Variants in CDYL2 observed in about 807,000 individuals in gnomAD.
The protein encoded by CDYL2 is chromodomain Y-like protein 2.
A neutral mutation model predicts 49.4 loss-of-function variants in CDYL2; 23 were observed. That is an observed-to-expected ratio of 0.47 (90% confidence interval 0.34 to 0.66). CDYL2 has a LOEUF of 0.66. Among genes scored for constraint, CDYL2 ranks in the 30% least tolerant of loss-of-function variants. The pLI is 0.01. For synonymous variants in CDYL2, 360 were observed against 268.8 expected, an observed-to-expected ratio of 1.34 and a Z score of -3.32; for missense variants, 678 against 656.4, an observed-to-expected ratio of 1.03 and a Z score of -0.36.
intron 1 of CDYL2, among the ~76,000 whole-genome samples, chr16:80,802,976 C>CAGGGAAGTG (rs1907971497): frequency 2.6e-5 from 4 of 152,184 alleles, no homozygotes; most frequent in Admixed American, 2.6e-4. Context: ...AATTTATGTT[C>CAGGGAAGTG]CGGGAAGTGC....
intron 1 of CDYL2, among the ~76,000 whole-genome samples, chr16:80,748,161 T>TAATAAG (rs1202387396): frequency 7.4e-6 from 1 of 135,158 alleles, no homozygotes; most frequent in African/African-American, 3.1e-5. Context: ...ATAATAATAA[T>TAATAAG]AATAATATAA....
chr16:80,662,365 C>G (rs778249334), intron 2 of CDYL2, among the ~76,000 whole-genome samples: 5 of 152,198 alleles, frequency 3.3e-5, no homozygotes, highest in South Asian at 2.1e-4. Flanking sequence ...GGAGAAAGCA[C>G]CCTTCCTCCC....
intron 2 of CDYL2, among the ~76,000 whole-genome samples, chr16:80,645,788 T>C (rs1170678462): frequency 2.6e-5 from 4 of 152,010 alleles, no homozygotes; most frequent in African/African-American, 9.7e-5. Context: ...ATATACACCA[T>C]GGACTACTAT....
At chr16:80,651,954 G>C in intron 2 of CDYL2, among the ~76,000 whole-genome samples, 1 of 152,220 alleles carries the variant, frequency 6.6e-6, no homozygotes, top group East Asian at 1.9e-4. Context: ...GAGAAGGCTA[G>C]AATGTGACCA....
At chr16:80,756,646 T>G (rs1462425709) in intron 1 of CDYL2, among the ~76,000 whole-genome samples, 1 of 152,132 alleles carries the variant, frequency 6.6e-6, no homozygotes, top group Non-Finnish European at 1.5e-5. Context: ...ACTTTTCCAC[T>G]CATTTTATAA....
In CDYL2 at chr16:80,633,770, G is replaced by A. The variant is rs535825765; in HGVS notation, c.617-534C>T. Among the ~76,000 whole-genome samples, 12 of 152,298 alleles carry A rather than the reference G, an allele frequency of 7.9e-5. No individual in the cohort carries two copies. The South Asian group carries it at 1.2e-3, about 16-fold the overall frequency. On this transcript the variant is annotated intron_variant, in intron 2 of 6. Transcript: ENST00000570137. ...TTGAGATGAGAGGGGTGAATACCAA[G>A]CAGGCAGTATCCTTAGGTCTCTCTC...
chr16:80,721,781 C>A lies in CDYL2; in HGVS notation c.25-36652G>T, dbSNP rs566080509. 2.6e-5 allele frequency among the ~76,000 whole-genome samples: 4 copies of A among 152,344 alleles called. No individual in the cohort carries two copies. In the East Asian group the frequency reaches 7.7e-4, roughly 29 times the overall value. On this transcript the variant is annotated intron_variant, in intron 1 of 6. Transcript: ENST00000570137. ...GTGACCACAGGGAAGACAGAAGATA[C>A]AGCTGCTCTGTCCCCTCCCCGGTGA...
At chr16:80,661,868 C>T (rs189836161) in intron 2 of CDYL2, among the ~76,000 whole-genome samples, 269 of 152,302 alleles carry the variant, frequency 1.8e-3, no homozygotes, top group African/African-American at 6.2e-3. Flanking sequence ...GATGTATTCA[C>T]CTGTGTGTCT....
At chr16:80,745,024 G>T (rs950715390) in intron 1 of CDYL2, among the ~76,000 whole-genome samples, 1 of 152,202 alleles carries the variant, frequency 6.6e-6, no homozygotes, top group African/African-American at 2.4e-5. Context: ...GTGAGTGACA[G>T]ATACAGGATG....
chr16:80,657,784 G>C (rs1377119), intron 2 of CDYL2, among the ~76,000 whole-genome samples: 59,938 of 151,744 alleles, frequency 0.39, 12,272 homozygotes, highest in East Asian at 0.6. Context: ...ACGAAACCCA[G>C]CAATCCCACT....
chr16:80,760,519 T>C (rs1349058815), intron 1 of CDYL2, among the ~76,000 whole-genome samples: 1 of 152,138 alleles, frequency 6.6e-6, no homozygotes, highest in East Asian at 1.9e-4. Context: ...GATAAATGCT[T>C]GAGGGAATGG....
chr16:80,785,749 T>C (rs556963037), intron 1 of CDYL2, among the ~76,000 whole-genome samples: 74 of 152,272 alleles, frequency 4.9e-4, no homozygotes, highest in African/African-American at 1.8e-3. Flanking sequence ...AGCATAGTAC[T>C]GGTACCAAAA....
chr16:80,640,133 TGGG>T (rs1221927239), intron 2 of CDYL2, among the ~76,000 whole-genome samples: 28 of 152,270 alleles, frequency 1.8e-4, no homozygotes, highest in African/African-American at 6.7e-4. Context: ...AGACACCAGC[TGGG>T]GTGGCTAAGG....
intron 1 of CDYL2, among the ~76,000 whole-genome samples, chr16:80,693,541 T>C (rs1173185245): frequency 6.6e-6 from 1 of 152,192 alleles, no homozygotes; most frequent in Non-Finnish European, 1.5e-5. Flanking sequence ...AACTATATTC[T>C]TCAACAAGAA....
rs536752033 is a variant in CDYL2 at position 80,789,624 on chromosome 16, A to G, written c.24+14526T>C. On this transcript the variant is annotated intron_variant, in intron 1 of 6. Transcript: ENST00000570137. ...AAAAAAAAAAGACACCTGCACTTCT[A>G]TGTTCATCACTGCACTATTACAAGA... 1.6e-4 allele frequency among the ~76,000 whole-genome samples: 25 copies of G among 152,208 alleles called. No individual in the cohort carries two copies. The East Asian group carries it at 3.5e-3, about 21-fold the overall frequency.
chr16:80,650,536 C>T (rs1295095481), intron 2 of CDYL2, among the ~76,000 whole-genome samples: 2 of 152,158 alleles, frequency 1.3e-5, no homozygotes, highest in African/African-American at 4.8e-5. Flanking sequence ...TAAATTAGTA[C>T]AACCACTATG....
Position 80,804,385 on chromosome 16 carries a change from CCGGCAGCAGCGGCGG to C in CDYL2, c.-227_-213del, listed in dbSNP as rs1567451184. On this transcript the variant is annotated 5_prime_UTR_variant, in exon 1 of 7. Transcript: ENST00000570137. ...GCGGGCGGCGGCGGGGCTGGCGTAACCGGCAGCAGCGGCGGCGGCGGCGGCGGCGGCACGAGCGCG... is the reference window on the plus strand; with the variant it reads ...GCGGGCGGCGGCGGGGCTGGCGTAACCGGCGGCGGCGGCGGCACGAGCGCG... 2 of 193,380 alleles carry C rather than the reference CCGGCAGCAGCGGCGG, an allele frequency of 1.0e-5. No homozygotes were observed. Among genetic ancestry groups the C allele is most frequent in the African/African-American group, 4.9e-5 (2 of 40,972 alleles). The allele number at this position is 193,380 out of a possible 1,614,324, so 12.0% of individuals were successfully genotyped here.
At chr16:80,795,667 T>A (rs1242163281) in intron 1 of CDYL2, among the ~76,000 whole-genome samples, 1 of 152,066 alleles carries the variant, frequency 6.6e-6, no homozygotes, top group Non-Finnish European at 1.5e-5. Flanking sequence ...CAAGGATAAA[T>A]TTCAGGCCCA....
chr16:80,695,161 C>A (rs1056534748), intron 1 of CDYL2, among the ~76,000 whole-genome samples: 1 of 152,228 alleles, frequency 6.6e-6, no homozygotes, highest in Non-Finnish European at 1.5e-5. Context: ...TTGGTACACA[C>A]CCATGTCCAT....
Sources: gnomAD v4.1 joint callset for allele counts (sites outside exome capture counted in the v4.1 genomes callset) on GRCh38, gnomAD v4.1.1 for gene constraint, MANE v1.5 for transcripts, NCBI Gene and HGNC (gene_info 2026-07-23, HGNC 2026-07-21) for gene names.